ADAMTSL1: variants seen among roughly 807,000 people sequenced by gnomAD.
ADAMTSL1 encodes the protein ADAMTS like 1.
Under a neutral mutation model 201.8 loss-of-function variants are expected in ADAMTSL1, and 126 were observed. The observed-to-expected ratio is 0.62, with a 90% CI of 0.54 to 0.72. The LOEUF is 0.72. Among genes scored for constraint, ADAMTSL1 ranks in the 30% least tolerant of loss-of-function variants. The pLI is 0.00. For missense variants in ADAMTSL1, 2,679 were observed against 2,277.8 expected (o/e 1.18, Z -3.59); for synonymous variants, 1,121 against 903.4 (o/e 1.24, Z -4.32).
intron 1 of ADAMTSL1, among the ~76,000 whole-genome samples, chr9:18,105,174 C>T (rs1351925600): frequency 6.6e-6 from 1 of 152,150 alleles, no homozygotes; most frequent in Non-Finnish European, 1.5e-5. Flanking sequence ...GTTGTCTCAC[C>T]TGTAAAACAA....
chr9:17,996,119 T>A (rs578216967), intron 1 of ADAMTSL1, among the ~76,000 whole-genome samples: 1 of 152,216 alleles, frequency 6.6e-6, no homozygotes, highest in African/African-American at 2.4e-5. Context: ...CTCATCTATA[T>A]TAAATTATCA....
intron 13 of ADAMTSL1, among the ~76,000 whole-genome samples, chr9:18,690,173 G>A (rs1831125552): frequency 6.6e-6 from 1 of 152,112 alleles, no homozygotes; most frequent in African/African-American, 2.4e-5. Flanking sequence ...ACCAATAAGA[G>A]TCACCATGGT....
chr9:18,780,291 G>A (rs767463919), intron 19 of ADAMTSL1, among the ~76,000 whole-genome samples: 1 of 152,154 alleles, frequency 6.6e-6, no homozygotes, highest in Non-Finnish European at 1.5e-5. Flanking sequence ...CATATCATCT[G>A]TGACATCCCT....
chr9:18,616,852 A>C, intron 4 of ADAMTSL1, among the ~76,000 whole-genome samples: 1 of 152,334 alleles, frequency 6.6e-6, no homozygotes, highest in Middle Eastern at 3.4e-3. Flanking sequence ...AAGGTTAAGC[A>C]TAAGCAAATT....
intron 2 of ADAMTSL1, among the ~76,000 whole-genome samples, chr9:18,226,105 A>G (rs1377898274): frequency 6.6e-6 from 1 of 152,184 alleles, no homozygotes; most frequent in East Asian, 1.9e-4. Context: ...TGCTTTTTGT[A>G]AAGTGGTAGG....
rs919231087 is a variant in ADAMTSL1, at chr9:18,491,229, G to A, written c.64-13600G>A. 8.5e-5 allele frequency among the ~76,000 whole-genome samples: 13 copies of A among 152,300 alleles called. No homozygotes were observed. In the East Asian group the frequency reaches 2.1e-3, roughly 25 times the overall value. On this transcript the variant is annotated intron_variant, in intron 1 of 28. Coordinates refer to ENST00000380548, the MANE Select transcript of ADAMTSL1 (RefSeq NM_001040272.6). Reference sequence around the variant, plus strand: ...AAAACAGGCTTTAAAAAAGATGCCTGTGGTGTGCCTCAGCATTCTTGATAT... The same window carrying A: ...AAAACAGGCTTTAAAAAAGATGCCTATGGTGTGCCTCAGCATTCTTGATAT...
intron 2 of ADAMTSL1, among the ~76,000 whole-genome samples, chr9:18,343,602 A>G (rs1416287543): frequency 6.6e-6 from 1 of 152,182 alleles, no homozygotes; most frequent in Non-Finnish European, 1.5e-5. Context: ...ACCCTCTTTT[A>G]GATTTTTACC....
At chr9:17,952,398 T>A (rs1487622366) in intron 1 of ADAMTSL1, among the ~76,000 whole-genome samples, 1 of 152,170 alleles carries the variant, frequency 6.6e-6, no homozygotes, top group East Asian at 1.9e-4. Flanking sequence ...TTTGTTTACA[T>A]CTAGTTGATT....
intron 2 of ADAMTSL1, among the ~76,000 whole-genome samples, chr9:18,197,790 G>A (rs1211786317): frequency 7.9e-5 from 12 of 151,954 alleles, no homozygotes; most frequent in African/African-American, 1.9e-4. Context: ...AAAAGAGCCC[G>A]CATCGCCAAG....
At chr9:18,192,851 A>G (rs1829023518) in intron 2 of ADAMTSL1, among the ~76,000 whole-genome samples, 1 of 152,192 alleles carries the variant, frequency 6.6e-6, no homozygotes, top group Non-Finnish European at 1.5e-5. Context: ...TTATTTATGC[A>G]ATATGCATTT....
chr9:18,723,012 A>G (rs761140981), intron 15 of ADAMTSL1: 17 of 779,324 alleles, frequency 2.2e-5, no homozygotes, highest in Non-Finnish European at 2.6e-5. Flanking sequence ...CCTGTCATCT[A>G]GGAAGAAGCA....
intron 2 of ADAMTSL1, among the ~76,000 whole-genome samples, chr9:18,287,405 A>G (rs1402043154): frequency 1.3e-5 from 2 of 151,830 alleles, no homozygotes; most frequent in Non-Finnish European, 2.9e-5. Flanking sequence ...ATGCACATAC[A>G]CATATATTTA....
At position 18,111,553 on chromosome 9, in the gene ADAMTSL1, A is replaced by G. The variant is rs1489287327; in HGVS notation, c.88-52309A>G. ...CAAAAAAGAAAGCTGTGCAAAACCTATCATCATCATTGTCAATAAATATTT... is the reference window on the plus strand; with the variant it reads ...CAAAAAAGAAAGCTGTGCAAAACCTGTCATCATCATTGTCAATAAATATTT... On this transcript the variant is annotated intron_variant, in intron 1 of 29. Transcript: ENST00000680146. Among the ~76,000 whole-genome samples, 6 of 152,314 alleles carry G rather than the reference A, an allele frequency of 3.9e-5. No homozygotes were observed. In the East Asian group the frequency reaches 7.7e-4, roughly 20 times the overall value.
chr9:18,110,204 A>G (rs889538678), intron 1 of ADAMTSL1, among the ~76,000 whole-genome samples: 2 of 152,126 alleles, frequency 1.3e-5, no homozygotes, highest in Non-Finnish European at 2.9e-5. Flanking sequence ...TTGTGCAGCC[A>G]TTGGTTGGTC....
In ADAMTSL1 at chr9:18,021,690, A is replaced by C. The variant is rs74749592; in HGVS notation, c.87+114768A>C. 5.6e-4 allele frequency among the ~76,000 whole-genome samples: 86 copies of C among 152,294 alleles called. No individual in the cohort carries two copies. The East Asian group carries it at 0.016, about 29-fold the overall frequency. On this transcript the variant is annotated intron_variant, in intron 1 of 29. Coordinates refer to the ADAMTSL1 transcript ENST00000680146. ...CTCAGATGATTGTATTTAAAAGGAG[A>C]TAGATATCTCTTAATCTAGCTGGGG...
intron 15 of ADAMTSL1, among the ~76,000 whole-genome samples, chr9:18,739,897 A>ATGTGTGTGTGTG (rs1277770563): frequency 3.7e-4 from 36 of 98,376 alleles, no homozygotes; most frequent in African/African-American, 1.3e-3. Flanking sequence ...CATGTCTACT[A>ATGTGTGTGTGTG]TCTGTGTGTG....
intron 14 of ADAMTSL1, among the ~76,000 whole-genome samples, chr9:18,717,249 AT>A (rs1165425395): frequency 1.4e-5 from 2 of 148,018 alleles, no homozygotes; most frequent in Non-Finnish European, 3.0e-5. Context: ...AATAATAATA[AT>A]AATAAATAAA....
At chr9:18,438,804 G>A (rs528669503) in intron 2 of ADAMTSL1, among the ~76,000 whole-genome samples, 17 of 152,136 alleles carry the variant, frequency 1.1e-4, no homozygotes, top group African/African-American at 4.1e-4. Context: ...AGCCCCTCTC[G>A]CTCACCCTCA....
intron 2 of ADAMTSL1, among the ~76,000 whole-genome samples, chr9:18,206,739 T>C (rs1296686102): frequency 6.6e-6 from 1 of 152,224 alleles, no homozygotes; most frequent in African/African-American, 2.4e-5. Context: ...GAAGTCATAA[T>C]TACTTATTTT....
Sources: allele counts gnomAD v4.1 joint callset (sites outside exome capture counted in the v4.1 genomes callset), GRCh38; gene constraint gnomAD v4.1.1; transcripts MANE v1.5; gene names NCBI Gene and HGNC (gene_info 2026-07-23, HGNC 2026-07-21).